Variants in ENPP2 observed in about 807,000 individuals in gnomAD.
ENPP2 encodes autotaxin.
ENPP2 carries 51 observed loss-of-function variants against 120.2 expected under a neutral mutation model. The observed-to-expected ratio is 0.42, with a 90% CI of 0.34 to 0.54. The LOEUF (loss-of-function observed/expected upper bound fraction) is 0.54, where lower values mean the gene tolerates loss of function less well. Ranked by LOEUF, ENPP2 falls within the 20% of genes least tolerant of loss-of-function variation. ENPP2 has a pLI of 0.04. For missense variants in ENPP2, 920 were observed against 1,066.5 expected, an observed-to-expected ratio of 0.86 and a Z score of 1.91; for synonymous variants, 365 against 366.4, an observed-to-expected ratio of 1.00 and a Z score of 0.04.
intron 24 of ENPP2, among the ~76,000 whole-genome samples, chr8:119,562,533 A>G (rs1208981290): frequency 1.3e-5 from 2 of 152,218 alleles, no homozygotes; most frequent in East Asian, 1.9e-4. Context: ...ACAATTATCA[A>G]AATTTTGCTA....
intron 24 of ENPP2, 109 bp from the exon 25 acceptor site, chr8:119,557,800 G>A (rs771840417): frequency 1.2e-5 from 10 of 867,218 alleles, no homozygotes; most frequent in African/African-American, 1.7e-5. Flanking sequence ...CTTGCACACA[G>A]AGCCAACGCA....
At chr8:119,657,535 C>T (rs1393949803) in intron 1 of ENPP2, among the ~76,000 whole-genome samples, 1 of 152,194 alleles carries the variant, frequency 6.6e-6, no homozygotes, top group African/African-American at 2.4e-5. Context: ...TTCTTCTCAT[C>T]GTCCCTTAGC....
At chr8:119,641,317 G>GAAAAA (rs35551866), upstream of ENPP2, among the ~76,000 whole-genome samples, 3 of 139,144 alleles carry the variant, frequency 2.2e-5, no homozygotes, top group African/African-American at 7.9e-5. Flanking sequence ...ACCTAAAGCT[G>GAAAAA]AAAAAAAAAA....
chr8:119,600,109 T>C (rs1464632396), intron 11 of ENPP2, among the ~76,000 whole-genome samples: 1 of 152,116 alleles, frequency 6.6e-6, no homozygotes, highest in Non-Finnish European at 1.5e-5. Context: ...GTGATGACTA[T>C]GTTCATATCT....
rs1815892559 is a variant in ENPP2, at chr8:119,621,495, T to C, written c.317A>G (p.Asp106Gly). 1.2e-6 allele frequency: 2 copies of C among 1,613,562 alleles called. No homozygotes were observed. Among genetic ancestry groups the C allele is most frequent in the Non-Finnish European group, 1.7e-6 (2 of 1,179,566 alleles). ...TTCATTTCTGACTTCTCCACATCTGTCCTTAGTACACTCCCAGCCACGGGC... is the reference window on the plus strand; with the variant it reads ...TTCATTTCTGACTTCTCCACATCTGCCCTTAGTACACTCCCAGCCACGGGC... The part of the protein sequence containing the change: ...KTARGWECTK[D>G]RCGEVRNEEN... Residue 106 changes from aspartate (D) to glycine (G), a missense_variant, in exon 4 of 25, where the codon GAC becomes GGC. Transcript: ENST00000075322.
intron 8 of ENPP2, 45 bp from the exon 9 acceptor site, chr8:119,608,022 T>C (rs185194370): frequency 2.7e-5 from 39 of 1,432,668 alleles, no homozygotes; most frequent in Non-Finnish European, 3.1e-5. Flanking sequence ...TCTGTGTTTT[T>C]GTCAAAGAAG....
intron 1 of ENPP2, among the ~76,000 whole-genome samples, chr8:119,644,621 T>C (rs377275809): frequency 0.1 from 10,628 of 103,904 alleles, 562 homozygotes; most frequent in South Asian, 0.14. Context: ...TATATATATA[T>C]ATATACACAC....
intron 11 of ENPP2, among the ~76,000 whole-genome samples, chr8:119,594,390 C>T (rs1042592187): frequency 5.3e-5 from 8 of 152,154 alleles, no homozygotes; most frequent in Admixed American, 3.9e-4. Context: ...GCAATAGATT[C>T]TTAACAGAAG....
intron 22 of ENPP2, among the ~76,000 whole-genome samples, chr8:119,567,392 AT>A (rs1468360041): frequency 6.6e-6 from 1 of 152,212 alleles, no homozygotes; most frequent in Admixed American, 6.5e-5. Flanking sequence ...CTTAGAGGTC[AT>A]GCAATCATAT....
intron 4 of ENPP2, among the ~76,000 whole-genome samples, chr8:119,621,160 T>A (rs927929573): frequency 6.6e-6 from 1 of 152,230 alleles, no homozygotes. Context: ...AGAAATCTCT[T>A]CATTATTATG....
chr8:119,653,562 C>T (rs970016491), intron 1 of ENPP2, among the ~76,000 whole-genome samples: 1 of 152,094 alleles, frequency 6.6e-6, no homozygotes, highest in African/African-American at 2.4e-5. Flanking sequence ...GCCCAATGTG[C>T]TCAGTGAGGC....
intron 7 of ENPP2, 32 bp from the exon 8 acceptor site, chr8:119,616,416 A>G: frequency 6.6e-7 from 1 of 1,524,352 alleles, no homozygotes. Context: ...TTGTTAAAAT[A>G]ACAATACAAT....
chr8:119,604,270 C>T (rs1814533276), intron 9 of ENPP2, among the ~76,000 whole-genome samples: 1 of 152,008 alleles, frequency 6.6e-6, no homozygotes, highest in African/African-American at 2.4e-5. Flanking sequence ...TCAAGTGATC[C>T]ACCCGCTTCA....
intron 11 of ENPP2, among the ~76,000 whole-genome samples, chr8:119,599,663 C>G (rs1323993793): frequency 1.3e-5 from 2 of 152,168 alleles, no homozygotes; most frequent in Non-Finnish European, 2.9e-5. Flanking sequence ...ATACTGGATA[C>G]TACCTCACAG....
rs1474062083 is a variant in ENPP2, at chr8:119,569,387, G to T, written c.1918-17C>A. The T allele has an allele frequency of 1.2e-6, 2 of 1,613,372 alleles. No individual in the cohort carries two copies. The highest frequency in any genetic ancestry group is 1.7e-6 in the Non-Finnish European group (2 of 1,179,792). ...AACCTCAGCCTGCACGGGAGTCAGA[G>T]GCACTCAGCAATGCCGTGGCTCTGT... On this transcript the variant is annotated splice_polypyrimidine_tract_variant and intron_variant, in intron 20 of 24. Coordinates refer to ENST00000075322, the MANE Select transcript of ENPP2 (RefSeq NM_001040092.3).
At chr8:119,657,674 C>T (rs1817806344) in intron 1 of ENPP2, among the ~76,000 whole-genome samples, 2 of 152,224 alleles carry the variant, frequency 1.3e-5, no homozygotes, top group South Asian at 4.1e-4. Flanking sequence ...CATTCCCAAC[C>T]AGGCTTGTGA....
chr8:119,670,889 A>G (rs1015617869), intron 1 of ENPP2, among the ~76,000 whole-genome samples: 2 of 152,220 alleles, frequency 1.3e-5, no homozygotes, highest in Admixed American at 1.3e-4. Context: ...CAAGTTGTGG[A>G]CAATGTGTAT....
At chr8:119,618,345 C>A (rs1323518937) in intron 5 of ENPP2, 5 of 474,298 alleles carry the variant, frequency 1.1e-5, no homozygotes, top group Admixed American at 8.8e-5. Flanking sequence ...AATCCAATGG[C>A]CTGATCTGTC....
chr8:119,575,016 T>G (rs1386975215), intron 19 of ENPP2, among the ~76,000 whole-genome samples: 1 of 152,238 alleles, frequency 6.6e-6, no homozygotes, highest in African/African-American at 2.4e-5. Flanking sequence ...TACTCACCAC[T>G]GTATCTTCCA....
Sources: allele counts gnomAD v4.1 joint callset (sites outside exome capture counted in the v4.1 genomes callset), GRCh38; gene constraint gnomAD v4.1.1; transcripts MANE v1.5; gene names NCBI Gene and HGNC (gene_info 2026-07-23, HGNC 2026-07-21).